Variants in CNTN4 observed in about 807,000 individuals in gnomAD.
CNTN4 encodes contactin-4.
A neutral mutation model predicts 122.5 loss-of-function variants in CNTN4; 77 were observed. That is an observed-to-expected ratio of 0.63 (90% CI 0.52 to 0.76). CNTN4 has a LOEUF of 0.76. Among genes scored for constraint, CNTN4 ranks in the 30% least tolerant of loss-of-function variants. The pLI is 0.00. For missense variants in CNTN4, 1,256 were observed against 1,259.1 expected (o/e 1.00, Z 0.04); for synonymous variants, 512 against 447.0 (o/e 1.15, Z -1.83).
At chr3:2,786,178 C>A (rs2091819730) in intron 6 of CNTN4, among the ~76,000 whole-genome samples, 1 of 152,066 alleles carries the variant, frequency 6.6e-6, no homozygotes, top group Non-Finnish European at 1.5e-5. Flanking sequence ...ACATTCACCA[C>A]CCTCCAATTT....
intron 24 of CNTN4, 147 bp from the exon 25 acceptor site, chr3:3,055,973 A>G (rs192938716): frequency 5.5e-4 from 343 of 624,174 alleles, no homozygotes; most frequent in Middle Eastern, 2.6e-3. Context: ...TGGTAGTCAT[A>G]GAACTGATAT....
chr3:2,125,533 A>G (rs1022935834), intron 2 of CNTN4, among the ~76,000 whole-genome samples: 1 of 151,002 alleles, frequency 6.6e-6, no homozygotes, highest in Non-Finnish European at 1.5e-5. Context: ...ACAGATTTCT[A>G]TGAAGATTTC....
At chr3:2,481,843 T>G (rs1575733514) in intron 3 of CNTN4, among the ~76,000 whole-genome samples, 1 of 152,204 alleles carries the variant, frequency 6.6e-6, no homozygotes, top group African/African-American at 2.4e-5. Flanking sequence ...TTCTCTCTCC[T>G]GCCGCCCTGT....
chr3:2,293,946 G>A (rs1048337771), intron 2 of CNTN4, among the ~76,000 whole-genome samples: 9 of 152,110 alleles, frequency 5.9e-5, no homozygotes, highest in Non-Finnish European at 2.9e-5. Context: ...GTTTTGACTG[G>A]GCTCTGCTGA....
At chr3:2,950,334 G>T (rs147546917) in intron 13 of CNTN4, among the ~76,000 whole-genome samples, 17 of 152,336 alleles carry the variant, frequency 1.1e-4, no homozygotes, top group South Asian at 8.3e-4. Flanking sequence ...ATGAGTCATT[G>T]TATGTCCATG....
chr3:2,978,226 G>T (rs1693612266), intron 13 of CNTN4, among the ~76,000 whole-genome samples: 1 of 152,168 alleles, frequency 6.6e-6, no homozygotes, highest in Non-Finnish European at 1.5e-5. Context: ...CCACTGCATT[G>T]CTCTGTTCTC....
chr3:2,840,615 C>T (rs1168026621), intron 7 of CNTN4, among the ~76,000 whole-genome samples: 7 of 122,360 alleles, frequency 5.7e-5, no homozygotes, highest in East Asian at 2.4e-4. Flanking sequence ...GGGAGAATGG[C>T]GGGAACCCGG....
chr3:2,981,167 G>A (rs113819385), intron 13 of CNTN4, among the ~76,000 whole-genome samples: 3,528 of 152,286 alleles, frequency 0.023, 144 homozygotes, highest in African/African-American at 0.079. Flanking sequence ...AACCTGGGCC[G>A]GGCGCGGTGG....
At chr3:2,533,826 A>T (rs1044614697) in intron 3 of CNTN4, among the ~76,000 whole-genome samples, 29 of 152,160 alleles carry the variant, frequency 1.9e-4, no homozygotes, top group African/African-American at 6.7e-4. Context: ...ATGGTGTCTC[A>T]TTGTGGTTTT....
chr3:2,488,452 T>A (rs7629193), intron 3 of CNTN4, among the ~76,000 whole-genome samples: 1 of 152,046 alleles, frequency 6.6e-6, no homozygotes, highest in African/African-American at 2.4e-5. Context: ...GAGTGAGTGT[T>A]GGGGGGTGTG....
At chr3:2,422,526 A>C (rs1225661164) in intron 3 of CNTN4, among the ~76,000 whole-genome samples, 3 of 152,154 alleles carry the variant, frequency 2.0e-5, no homozygotes, top group Non-Finnish European at 4.4e-5. Context: ...AAAATAAGCA[A>C]AGTTTTGGAT....
intron 2 of CNTN4, among the ~76,000 whole-genome samples, chr3:2,303,166 C>T (rs1457918423): frequency 1.3e-5 from 2 of 152,040 alleles, no homozygotes; most frequent in African/African-American, 4.8e-5. Context: ...AGACATAGAG[C>T]CATGGCGTAA....
intron 2 of CNTN4, among the ~76,000 whole-genome samples, chr3:2,107,582 G>A (rs549413942): frequency 7.9e-5 from 12 of 152,102 alleles, no homozygotes; most frequent in African/African-American, 2.9e-4. Flanking sequence ...GGAATTATGG[G>A]GATTACAATT....
Position 2,140,086 on chromosome 3 carries a change from C to T in CNTN4, c.-145+39447C>T, listed in dbSNP as rs908333563. ...CCCCTGCACAAGCCCTCTTGCCTGC[C>T]GCCATGTAAGATGTGCCTTTGCTTC... On this transcript the variant is annotated intron_variant, in intron 2 of 24. Transcript: ENST00000418658. Among the ~76,000 whole-genome samples, 46 of 152,146 alleles carry T rather than the reference C, an allele frequency of 3.0e-4. 1 individual carries two copies. The highest frequency in any genetic ancestry group is 3.1e-4 in the African/African-American group (13 of 41,420).
intron 2 of CNTN4, among the ~76,000 whole-genome samples, chr3:2,228,637 C>T (rs935621483): frequency 6.6e-6 from 1 of 152,062 alleles, no homozygotes; most frequent in African/African-American, 2.4e-5. Flanking sequence ...TTATTATCTT[C>T]ATTTATAGAT....
intron 4 of CNTN4, among the ~76,000 whole-genome samples, chr3:2,694,326 T>G (rs1345929685): frequency 6.6e-6 from 1 of 152,204 alleles, no homozygotes; most frequent in Admixed American, 6.5e-5. Context: ...AGTAAGTATT[T>G]GTTGAATAAC....
chr3:2,295,619 T>G (rs1283442576), intron 2 of CNTN4, among the ~76,000 whole-genome samples: 4 of 152,154 alleles, frequency 2.6e-5, no homozygotes, highest in Admixed American at 6.5e-5. Flanking sequence ...TTTCTCCCAT[T>G]CTATAGGTTG....
intron 4 of CNTN4, among the ~76,000 whole-genome samples, chr3:2,580,607 G>T (rs2079891442): frequency 6.6e-6 from 1 of 152,134 alleles, no homozygotes; most frequent in South Asian, 2.1e-4. Flanking sequence ...CCTGAATGAA[G>T]AAACTTTGTT....
At chr3:2,339,026 A>G (rs932756449) in intron 2 of CNTN4, among the ~76,000 whole-genome samples, 152 bp from the exon 3 acceptor site, 12 of 152,172 alleles carry the variant, frequency 7.9e-5, no homozygotes, top group African/African-American at 2.9e-4. Flanking sequence ...TAAGCTGGAA[A>G]TCTATACCAA....
Sources: allele counts gnomAD v4.1 joint callset (sites outside exome capture counted in the v4.1 genomes callset), GRCh38; gene constraint gnomAD v4.1.1; transcripts MANE v1.5; gene names NCBI Gene and HGNC (gene_info 2026-07-23, HGNC 2026-07-21).